Variants in FANK1 observed in about 807,000 individuals in gnomAD.
FANK1 encodes fibronectin type III and ankyrin repeat domains 1, also known as fibronectin type 3 and ankyrin repeat domains protein 1.
In FANK1, 44 loss-of-function variants were observed where a neutral mutation model predicts 45.3. The observed-to-expected ratio is 0.97, with a 90% confidence interval of 0.76 to 1.25. The LOEUF (loss-of-function observed/expected upper bound fraction) is 1.25, where lower values mean the gene tolerates loss of function less well. Among genes scored for constraint, FANK1 ranks in the 50% most tolerant of loss-of-function variants. FANK1 has a pLI of 0.00. For synonymous variants in FANK1, 149 were observed against 152.5 expected, an observed-to-expected ratio of 0.98 and a Z score of 0.17; for missense variants, 391 against 424.4, an observed-to-expected ratio of 0.92 and a Z score of 0.69.
chr10:125,953,495 G>A (rs10901475), intron 1 of FANK1, among the ~76,000 whole-genome samples: 1 of 151,868 alleles, frequency 6.6e-6, no homozygotes, highest in Admixed American at 6.6e-5. Flanking sequence ...TCTTAGGCAC[G>A]AGGATCCTAT....
Position 125,975,030 on chromosome 10 carries a change from T to A in FANK1, c.14-5131T>A, listed in dbSNP as rs560875225. 5 of 152,266 alleles carry A rather than the reference T, an allele frequency of 3.3e-5. No individual in the cohort carries two copies. In the East Asian group the frequency reaches 7.7e-4, roughly 24 times the overall value. The allele number at this position is 152,266 out of a possible 1,614,324, so 9.4% of individuals were successfully genotyped here. A position where few individuals can be genotyped will look rare whatever the true frequency, so the allele number is the denominator to read the frequency against. ...GCTTCAGGTAGACCCCAGGGTCTGT[T>A]GTTTCCTTCTTTGTGTTCCTAAGTT... On this transcript the variant is annotated intron_variant, in intron 1 of 10. Transcript: ENST00000368693.
intron 1 of FANK1, among the ~76,000 whole-genome samples, chr10:125,926,019 A>G (rs1291026032): frequency 6.6e-6 from 1 of 151,630 alleles, no homozygotes; most frequent in Non-Finnish European, 1.5e-5. Context: ...GTCTTTGTTT[A>G]TATTCTTTTA....
chr10:126,002,941 C>G (rs1355883556), intron 6 of FANK1, among the ~76,000 whole-genome samples: 1 of 151,958 alleles, frequency 6.6e-6, no homozygotes, highest in East Asian at 1.9e-4. Flanking sequence ...ATCACTGATA[C>G]ACAACCACCC....
At chr10:125,979,615 T>C (rs986755922) in intron 1 of FANK1, among the ~76,000 whole-genome samples, 1 of 152,254 alleles carries the variant, frequency 6.6e-6, no homozygotes, top group Admixed American at 6.5e-5. Flanking sequence ...GGGGATGATA[T>C]GAGCATCTTT....
At chr10:125,966,739 T>C (rs1357432534) in intron 1 of FANK1, among the ~76,000 whole-genome samples, 1 of 152,226 alleles carries the variant, frequency 6.6e-6, no homozygotes, top group Non-Finnish European at 1.5e-5. Context: ...CTTGTTGCTA[T>C]CATATATGTA....
chr10:125,972,657 A>C (rs1453351554), intron 1 of FANK1: 1 of 152,184 alleles, frequency 6.6e-6, no homozygotes, highest in African/African-American at 2.4e-5. Flanking sequence ...ACTCTTGCCT[A>C]AGTGGAGATT....
intron 1 of FANK1, among the ~76,000 whole-genome samples, chr10:125,970,300 C>T (rs1950424069): frequency 1.3e-5 from 2 of 151,770 alleles, no homozygotes; most frequent in Non-Finnish European, 2.9e-5. Flanking sequence ...CCCCCTGCCT[C>T]CCAGACGGGG....
chr10:125,982,126 T>A, intron 2 of FANK1, among the ~76,000 whole-genome samples: 1 of 152,242 alleles, frequency 6.6e-6, no homozygotes, highest in Admixed American at 6.5e-5. Flanking sequence ...GCATGAATTA[T>A]GAGAAACATT....
intron 1 of FANK1, among the ~76,000 whole-genome samples, chr10:125,946,442 C>T (rs975009315): frequency 8.6e-5 from 13 of 151,162 alleles, no homozygotes; most frequent in African/African-American, 1.2e-4. Flanking sequence ...AACCAAGGCT[C>T]GAGAACTATG....
chr10:125,906,452 G>A (rs1406713134), intron 1 of FANK1, among the ~76,000 whole-genome samples: 2 of 143,578 alleles, frequency 1.4e-5, no homozygotes, highest in African/African-American at 2.6e-5. Flanking sequence ...GGAAGTGGAG[G>A]TTGCAGTGAG....
intron 1 of FANK1, among the ~76,000 whole-genome samples, chr10:125,974,706 A>G (rs1950745653): frequency 6.6e-6 from 1 of 152,226 alleles, no homozygotes; most frequent in Non-Finnish European, 1.5e-5. Context: ...TCATTTTTCA[A>G]AGGGTGTATA....
At chr10:125,942,470 A>G (rs1326518280) in intron 1 of FANK1, among the ~76,000 whole-genome samples, 1 of 152,192 alleles carries the variant, frequency 6.6e-6, no homozygotes, top group East Asian at 1.9e-4. Flanking sequence ...TTTTTCCCCA[A>G]TCTGGACAAG....
At chr10:126,001,444 A>T (rs945628441) in intron 6 of FANK1, among the ~76,000 whole-genome samples, 1 of 149,440 alleles carries the variant, frequency 6.7e-6, no homozygotes, top group East Asian at 2.0e-4. Flanking sequence ...GTGTAGAGCT[A>T]GGAATGTGAC....
chr10:125,930,897 TC>T (rs1947709609), intron 1 of FANK1, among the ~76,000 whole-genome samples: 1 of 152,088 alleles, frequency 6.6e-6, no homozygotes, highest in African/African-American at 2.4e-5. Context: ...GTCCCCAAAG[TC>T]CATTGTATCA....
At chr10:125,939,669 T>C (rs376668365) in intron 1 of FANK1, among the ~76,000 whole-genome samples, 78 of 152,234 alleles carry the variant, frequency 5.1e-4, no homozygotes, top group African/African-American at 1.8e-3. Context: ...TCATCTATGG[T>C]TCCCTAATAG....
intron 1 of FANK1, among the ~76,000 whole-genome samples, chr10:125,913,220 C>A (rs61870874): frequency 3.3e-5 from 5 of 151,926 alleles, no homozygotes; most frequent in African/African-American, 1.2e-4. Context: ...AATTCTCCAC[C>A]CTTATCTGAT....
intron 2 of FANK1, among the ~76,000 whole-genome samples, chr10:125,982,128 A>G (rs1052613003): frequency 3.3e-5 from 5 of 152,244 alleles, no homozygotes; most frequent in African/African-American, 1.2e-4. Context: ...ATGAATTATG[A>G]GAAACATTTC....
At chr10:125,951,553 G>A (rs550653447) in intron 1 of FANK1, among the ~76,000 whole-genome samples, 2 of 152,242 alleles carry the variant, frequency 1.3e-5, no homozygotes, top group South Asian at 4.2e-4. Flanking sequence ...TGTTTGGAAG[G>A]TTTTGTTTTC....
In FANK1 at chr10:126,008,958, G is replaced by A. The variant is rs12260675; in HGVS notation, c.850-96G>A. 4.4e-3 allele frequency: 5,109 copies of A among 1,158,166 alleles called. 178 individuals are homozygous for A. The African/African-American group carries it at 0.069, about 16-fold the overall frequency. 71.7% of individuals were successfully genotyped at this position (1,158,166 alleles called of 1,614,324 possible). The stretch of plus-strand genomic sequence containing the variant: ...AGTGGTCTTTTGGGGTTGCAGGGGG[G>A]CTGCTGGGACCCTGCATGTGCCAGG... On this transcript the variant is annotated intron_variant, in intron 8 of 10. Transcript: ENST00000368693.
Sources: gnomAD v4.1 joint callset for allele counts (sites outside exome capture counted in the v4.1 genomes callset) on GRCh38, gnomAD v4.1.1 for gene constraint, MANE v1.5 for transcripts, NCBI Gene and HGNC (gene_info 2026-07-23, HGNC 2026-07-21) for gene names.